The following LVRN variants were observed in gnomAD, a reference collection of about 807,000 sequenced individuals.
LVRN encodes aminopeptidase Q.
A neutral mutation model predicts 111.4 loss-of-function variants in LVRN; 99 were observed. The observed-to-expected ratio is 0.89, with a 90% CI of 0.76 to 1.05. The LOEUF is 1.05. Ranked by LOEUF, LVRN falls within the 50% of genes least tolerant of loss-of-function variation. The pLI is 0.00. For missense variants in LVRN, 1,414 were observed against 1,206.8 expected, an observed-to-expected ratio of 1.17 and a Z score of -2.54; for synonymous variants, 488 against 449.5, an observed-to-expected ratio of 1.09 and a Z score of -1.08.
Position 116,003,366 on chromosome 5 carries a change from G to T in LVRN, c.2023G>T (p.Glu675Ter). ...TTGGAAGAAACTAAATCAACAACTT[G>T]AAAAGGATCCTAAGGTAAGGTTACT... is the stretch of plus-strand genomic sequence containing the variant. ...LGWKKLNQQL[E>*]KDPKAIPVIH... Residue 675 changes from glutamate (E) to a stop codon, truncating the protein, a stop_gained, in exon 12 of 20, where the codon GAA becomes TAA. Transcript: ENST00000357872. LOFTEE classifies it high-confidence loss of function. 6.8e-7 allele frequency: 1 copy of T among 1,461,514 alleles called. No individual in the cohort carries two copies. The highest frequency in any genetic ancestry group is 1.3e-5 in the South Asian group (1 of 76,964). 90.5% of individuals were successfully genotyped at this position (1,461,514 alleles called of 1,614,324 possible). A position where few individuals can be genotyped will look rare whatever the true frequency, so the allele number is the denominator to read the frequency against.
At chr5:116,007,760 G>A (rs976868956) in intron 13 of LVRN, among the ~76,000 whole-genome samples, 5 of 152,326 alleles carry the variant, frequency 3.3e-5, no homozygotes, top group Middle Eastern at 6.8e-3. Context: ...AGTCAAGCAA[G>A]TCTATCAGCA....
At chr5:116,002,105 C>T (rs140587964) in intron 10 of LVRN, among the ~76,000 whole-genome samples, 1,685 of 152,264 alleles carry the variant, frequency 0.011, 46 homozygotes, top group Admixed American at 0.068. Context: ...AGAAATGGGA[C>T]GCTCAAAGTT....
At chr5:116,025,862 C>T in intron 19 of LVRN, 116 bp from the exon 20 acceptor site, 2 of 1,339,268 alleles carry the variant, frequency 1.5e-6, no homozygotes, top group East Asian at 4.7e-5. Flanking sequence ...CATTTCTACT[C>T]ATTCCAACCA....
intron 3 of LVRN, among the ~76,000 whole-genome samples, 191 bp downstream of exon 3, chr5:115,984,900 A>G (rs1041777614): frequency 6.6e-6 from 1 of 152,106 alleles, no homozygotes; most frequent in African/African-American, 2.4e-5. Flanking sequence ...CATTCTTTGG[A>G]TAGGTTTTCA....
intron 13 of LVRN, 176 bp from the exon 14 acceptor site, chr5:116,010,565 T>A (rs1748466092): frequency 5.7e-6 from 4 of 696,756 alleles, no homozygotes; most frequent in Non-Finnish European, 1.0e-5. Flanking sequence ...GGAAGGACTG[T>A]CAACTTTGCT....
chr5:116,015,780 G>T lies in LVRN; in HGVS notation c.2756+15G>T. On this transcript the variant is annotated intron_variant, in intron 18 of 19. Coordinates refer to ENST00000357872, the MANE Select transcript of LVRN (RefSeq NM_173800.5). Reference sequence around the variant, plus strand: ...GTGAGTAAAAGGTAAGAAGGAAAGTGAGACCTTTCTTTCATTTAGGCCACT... The same window carrying T: ...GTGAGTAAAAGGTAAGAAGGAAAGTTAGACCTTTCTTTCATTTAGGCCACT... The T allele has an allele frequency of 6.2e-7, 1 of 1,611,554 alleles. No individual in the cohort carries two copies. Among genetic ancestry groups the T allele is most frequent in the Non-Finnish European group, 8.5e-7 (1 of 1,178,836 alleles).
intron 6 of LVRN, among the ~76,000 whole-genome samples, chr5:115,995,070 G>T (rs1264885792): frequency 6.6e-6 from 1 of 152,008 alleles, no homozygotes; most frequent in Non-Finnish European, 1.5e-5. Flanking sequence ...CTCATTCAAA[G>T]GATTTATTAA....
intron 18 of LVRN, among the ~76,000 whole-genome samples, chr5:116,016,872 A>C (rs369279707): frequency 6.7e-6 from 1 of 150,156 alleles, no homozygotes; most frequent in Admixed American, 6.7e-5. Flanking sequence ...GTAAAAAAAA[A>C]CCCATTAGTT....
intron 5 of LVRN, 155 bp downstream of exon 5, chr5:115,992,432 CAG>C (rs1748017351): frequency 2.4e-6 from 1 of 410,632 alleles, no homozygotes; most frequent in South Asian, 1.0e-4. Context: ...GGGGAAGACT[CAG>C]ATTCAGGGTG....
chr5:115,969,648 A>G (rs1484690910), intron 1 of LVRN, among the ~76,000 whole-genome samples: 1 of 151,938 alleles, frequency 6.6e-6, no homozygotes, highest in Non-Finnish European at 1.5e-5. Context: ...ATACGAAAAA[A>G]AATTATCCAG....
intron 1 of LVRN, among the ~76,000 whole-genome samples, chr5:115,970,628 A>C (rs1240813551): frequency 2.0e-5 from 3 of 151,664 alleles, no homozygotes; most frequent in Non-Finnish European, 4.4e-5. Flanking sequence ...CTTGTGATCC[A>C]CTCACCTTGG....
chr5:116,012,531 G>C, intron 15 of LVRN, 63 bp downstream of exon 15: 1 of 973,608 alleles, frequency 1.0e-6, no homozygotes, highest in South Asian at 1.7e-5. Context: ...GCTTCCAGAA[G>C]TAATAAAATA....
intron 13 of LVRN, among the ~76,000 whole-genome samples, chr5:116,009,414 T>A (rs561381453): frequency 6.6e-6 from 1 of 152,324 alleles, no homozygotes; most frequent in South Asian, 2.1e-4. Context: ...AAGGAGTAAT[T>A]TCTGCTTTTA....
intron 1 of LVRN, among the ~76,000 whole-genome samples, chr5:115,967,083 C>G (rs1189190563): frequency 1.3e-5 from 2 of 152,136 alleles, no homozygotes; most frequent in Admixed American, 1.3e-4. Flanking sequence ...TTCTCCCAGC[C>G]TATAGCTTGT....
chr5:116,007,602 C>T (rs1328363554), intron 13 of LVRN, among the ~76,000 whole-genome samples: 1 of 152,162 alleles, frequency 6.6e-6, no homozygotes, highest in Non-Finnish European at 1.5e-5. Flanking sequence ...GTTTCTTATG[C>T]ATAAGTCTCA....
At chr5:115,976,690 C>G (rs1222276404) in intron 1 of LVRN, among the ~76,000 whole-genome samples, 2 of 152,048 alleles carry the variant, frequency 1.3e-5, no homozygotes, top group Non-Finnish European at 2.9e-5. Flanking sequence ...TTATCTTTGA[C>G]TCCTGTGTTA....
chr5:115,972,395 T>C (rs1753346476), intron 1 of LVRN, among the ~76,000 whole-genome samples: 6 of 151,790 alleles, frequency 4.0e-5, no homozygotes. Flanking sequence ...TTCCAATTTC[T>C]AATTGTTGCT....
At chr5:115,994,445 G>C (rs1433941057) in intron 6 of LVRN, among the ~76,000 whole-genome samples, 3 of 152,010 alleles carry the variant, frequency 2.0e-5, no homozygotes, top group Non-Finnish European at 4.4e-5. Context: ...GATCATTTTT[G>C]TATTGTTTGT....
chr5:116,002,758 C>T (rs909748852), intron 10 of LVRN, 77 bp from the exon 11 acceptor site: 2 of 1,056,546 alleles, frequency 1.9e-6, no homozygotes, highest in Admixed American at 4.6e-5. Context: ...GCTATTTCAT[C>T]ATCTCTTTAA....
Sources: allele counts gnomAD v4.1 joint callset (sites outside exome capture counted in the v4.1 genomes callset), GRCh38; gene constraint gnomAD v4.1.1; transcripts MANE v1.5; gene names NCBI Gene and HGNC (gene_info 2026-07-23, HGNC 2026-07-21).